Variants in ERICH3 observed in about 807,000 individuals in gnomAD.
The protein encoded by ERICH3 is glutamate-rich protein 3.
A neutral mutation model predicts 131.1 loss-of-function variants in ERICH3; 126 were observed. That is an observed-to-expected ratio of 0.96 (90% CI 0.83 to 1.11). The LOEUF (loss-of-function observed/expected upper bound fraction) is 1.11, where lower values mean the gene tolerates loss of function less well. Among genes scored for constraint, ERICH3 ranks in the 50% most tolerant of loss-of-function variants. The probability of loss-of-function intolerance (pLI) is 0.00; values close to 1 mark genes in which losing one functional copy is unlikely to be tolerated. For missense variants in ERICH3, 2,050 were observed against 1,810.7 expected (o/e 1.13, Z -2.40); for synonymous variants, 695 against 644.6 (o/e 1.08, Z -1.18).
intron 7 of ERICH3, chr1:74,622,811 C>A (rs1649270839): frequency 6.6e-6 from 1 of 152,090 alleles, no homozygotes; most frequent in Non-Finnish European, 1.5e-5. Flanking sequence ...GCCCTTTATC[C>A]TTTTCATTTC....
At position 74,641,373 on chromosome 1, in the gene ERICH3, A is replaced by C. The variant is rs1180368719; in HGVS notation, c.402T>G (p.His134Gln). 1.9e-6 allele frequency: 3 copies of C among 1,612,834 alleles called. No homozygotes were observed. The African/African-American group carries it at 4.0e-5, about 22-fold the overall frequency. ...PPVGPKSNRGHSVLVDEGHSS... is the reference protein window; with the variant it reads ...PPVGPKSNRGQSVLVDEGHSS... ...AATGTCCTTCATCAACCAGAACACT[A>C]TGGCCACGATTACTCTTTGGGCCAA... Residue 134 changes from histidine to glutamine, a missense_variant, in exon 5 of 15, where the codon CAT becomes CAG. Coordinates refer to ENST00000326665, the MANE Select transcript of ERICH3 (RefSeq NM_001002912.5).
At position 74,631,884 on chromosome 1, in the gene ERICH3, TG is replaced by T; in HGVS notation, c.647del (p.Ser216TyrfsTer4). On this transcript the variant is annotated frameshift_variant, in exon 7 of 15. Coordinates refer to ENST00000326665, the MANE Select transcript of ERICH3 (RefSeq NM_001002912.5). LOFTEE classifies it high-confidence loss of function. ...GAAGTTGATATGAATTCATTCTCTG[TG>T]AATTGCCTATGGAGTTCCTGAACTT... is the stretch of plus-strand genomic sequence containing the variant. ...VMKFRNSIGN[S>X]QRMNSYQLPN... 6.2e-7 allele frequency: 1 copy of T among 1,613,484 alleles called. No individual in the cohort carries two copies. The highest frequency in any genetic ancestry group is 8.5e-7 in the Non-Finnish European group (1 of 1,179,586).
Position 74,572,916 on chromosome 1 carries a change from C to G in ERICH3, c.2794G>C (p.Glu932Gln), listed in dbSNP as rs576166246. ...LREAATSEEGEAEGGVAVSDV... is the reference protein window; with the variant it reads ...LREAATSEEGQAEGGVAVSDV... ...CTCACAGCCACCCCACCCTCAGCCT[C>G]TCCCTCCTCCGATGTCGCTGCCTCT... The change falls in exon 14 of 15, where the codon GAG (glutamate) becomes CAG (glutamine). Residue 932 changes from glutamate (E) to glutamine (Q), a missense_variant. Transcript: ENST00000326665. The G allele has an allele frequency of 9.9e-6, 16 of 1,614,090 alleles. No homozygotes were observed. The South Asian group carries it at 1.4e-4, about 14-fold the overall frequency.
At chr1:74,596,009 A>G (rs571250118) in intron 11 of ERICH3, among the ~76,000 whole-genome samples, 1 of 152,208 alleles carries the variant, frequency 6.6e-6, no homozygotes, top group African/African-American at 2.4e-5. Context: ...TCAACACAGG[A>G]GAAGCCTACA....
At chr1:74,580,239 A>G (rs1647153677) in intron 12 of ERICH3, among the ~76,000 whole-genome samples, 1 of 152,086 alleles carries the variant, frequency 6.6e-6, no homozygotes, top group South Asian at 2.1e-4. Context: ...TAATTTAGCA[A>G]TATATTGTGA....
intron 4 of ERICH3, among the ~76,000 whole-genome samples, chr1:74,642,332 G>C (rs977800695): frequency 6.6e-6 from 1 of 152,050 alleles, no homozygotes; most frequent in Non-Finnish European, 1.5e-5. Context: ...TTTGTGAAAC[G>C]TATCTTAGGC....
rs1557655365 is a variant in ERICH3, at chr1:74,572,087, T to C, written c.3623A>G (p.His1208Arg). ...TAAGGCCCCCTCTCCATCTTGGCGG[T>C]GCCCTTCCTTCAGGGCCCTATTCTC... ...SRENRALKEG[H>R]RQDGEGALAA... is the part of the protein sequence containing the mutation. The change falls in exon 14 of 15, where the codon CAC becomes CGC. Residue 1208 changes from histidine (H) to arginine (R), a missense_variant. Physicochemically the swap from His to Arg is conservative, Grantham distance 29. Coordinates refer to ENST00000326665, the MANE Select transcript of ERICH3 (RefSeq NM_001002912.5). The C allele has an allele frequency of 1.9e-6, 3 of 1,614,102 alleles. No homozygotes were observed. The highest frequency in any genetic ancestry group is 3.3e-5 in the Admixed American group (2 of 60,006).
chr1:74,663,795 CCTGTAGGA>C (rs1646664343), intron 1 of ERICH3, among the ~76,000 whole-genome samples: 1 of 151,856 alleles, frequency 6.6e-6, no homozygotes, highest in African/African-American at 2.4e-5. Flanking sequence ...TAATCACCTA[CCTGTAGGA>C]CTACTCATAA....
intron 8 of ERICH3, among the ~76,000 whole-genome samples, chr1:74,618,662 G>C (rs1000519384): frequency 2.0e-5 from 3 of 152,140 alleles, no homozygotes; most frequent in African/African-American, 7.2e-5. Flanking sequence ...TAACTTCATA[G>C]GTGTATATAA....
At chr1:74,593,967 T>C (rs1647725513) in intron 11 of ERICH3, among the ~76,000 whole-genome samples, 1 of 152,104 alleles carries the variant, frequency 6.6e-6, no homozygotes, top group South Asian at 2.1e-4. Flanking sequence ...TGTTACCACT[T>C]GAGACTGACA....
At chr1:74,586,350 A>G in intron 12 of ERICH3, 2 of 883,458 alleles carry the variant, frequency 2.3e-6, no homozygotes, top group Non-Finnish European at 2.7e-6. Context: ...TAATATAGCA[A>G]TATATATTAA....
chr1:74,662,254 G>A (rs184115810), intron 1 of ERICH3, among the ~76,000 whole-genome samples: 32 of 152,204 alleles, frequency 2.1e-4, no homozygotes, highest in African/African-American at 6.0e-4. Flanking sequence ...TGCAGCCTGA[G>A]GCCAGCCTCA....
intron 12 of ERICH3, chr1:74,580,038 G>A (rs1647149900): frequency 8.2e-6 from 3 of 365,888 alleles, no homozygotes; most frequent in Non-Finnish European, 1.1e-5. Flanking sequence ...AATATGTATT[G>A]TATTTTCCCT....
At chr1:74,576,791 C>A in intron 13 of ERICH3, 104 bp downstream of exon 13, 2 of 994,616 alleles carry the variant, frequency 2.0e-6, no homozygotes, top group African/African-American at 1.7e-5. Context: ...TCAATAAATA[C>A]TAGAAAGCCT....
intron 8 of ERICH3, among the ~76,000 whole-genome samples, chr1:74,616,593 C>A (rs187897304): frequency 3.3e-5 from 5 of 152,018 alleles, no homozygotes; most frequent in South Asian, 2.1e-4. Flanking sequence ...TTTGAATGTA[C>A]CCCTGAACCC....
rs1176037618 is a variant in ERICH3 at position 74,572,294 on chromosome 1, T to C, written c.3416A>G (p.Asp1139Gly). Residue 1139 changes from aspartate to glycine, a missense_variant, in exon 14 of 15, where the codon GAC becomes GGC. Physicochemically the swap from Asp to Gly is moderately conservative, Grantham distance 94. Coordinates refer to ENST00000326665, the MANE Select transcript of ERICH3 (RefSeq NM_001002912.5). The stretch of plus-strand genomic sequence containing the variant: ...ATCTTCTCCTAGAAGCCCTGGATTG[T>C]CAGACAACTCAGAAGCCTCCACAGG... ...EAPVEASELSDNPGLLGEDSL... is the reference protein window; with the variant it reads ...EAPVEASELSGNPGLLGEDSL... 6.2e-7 allele frequency: 1 copy of C among 1,613,940 alleles called. No individual in the cohort carries two copies. Among genetic ancestry groups the C allele is most frequent in the Non-Finnish European group, 8.5e-7 (1 of 1,180,036 alleles).
intron 8 of ERICH3, 106 bp from the exon 9 acceptor site, chr1:74,612,915 G>C: frequency 2.0e-6 from 2 of 980,064 alleles, no homozygotes; most frequent in Non-Finnish European, 2.8e-6. Flanking sequence ...ATCTAGATCA[G>C]GGGTGTCCAA....
chr1:74,583,221 TTTTG>T (rs1035330651), intron 12 of ERICH3, among the ~76,000 whole-genome samples: 26 of 152,160 alleles, frequency 1.7e-4, no homozygotes, highest in South Asian at 1.0e-3. Flanking sequence ...GCTTCAGGGG[TTTTG>T]TTTGTTTGTT....
chr1:74,665,434 T>C (rs1646682314), intron 1 of ERICH3, among the ~76,000 whole-genome samples: 1 of 152,210 alleles, frequency 6.6e-6, no homozygotes, highest in African/African-American at 2.4e-5. Context: ...TGATTCTGCA[T>C]TTCTCATAAA....
Sources: gnomAD v4.1 joint callset for allele counts (sites outside exome capture counted in the v4.1 genomes callset) on GRCh38, gnomAD v4.1.1 for gene constraint, MANE v1.5 for transcripts, NCBI Gene and HGNC (gene_info 2026-07-23, HGNC 2026-07-21) for gene names.